ITIH6: variants seen among roughly 807,000 people sequenced by gnomAD.
ITIH6 encodes inter-alpha-trypsin inhibitor heavy chain H6.
A neutral mutation model predicts 58.2 loss-of-function variants in ITIH6; 60 were observed. The ratio of observed to expected loss-of-function variants is 1.03; its 90% CI spans 0.84 to 1.28. ITIH6 has a LOEUF of 1.28. ITIH6 is among the 50% of genes most tolerant of loss of function. The pLI, the probability that ITIH6 is intolerant of heterozygous loss-of-function variation, is 0.00. For missense variants in ITIH6, 1,290 were observed against 1,021.1 expected (o/e 1.26, Z -3.59); for synonymous variants, 493 against 417.4 (o/e 1.18, Z -2.21).
chrX:54,785,539 C>G (rs1229112871), intron 5 of ITIH6, among the ~76,000 whole-genome samples: 1 of 110,864 alleles, frequency 9.0e-6, no homozygotes, highest in Non-Finnish European at 1.9e-5. Flanking sequence ...AAAACAAACC[C>G]AATGTCTGTA....
At position 54,774,202 on chromosome X, in the gene ITIH6, ACC is replaced by A; in HGVS notation, c.787-7_787-6del. The A allele has an allele frequency of 1.3e-6, 1 of 781,457 alleles. No individual in the cohort carries two copies. Among genetic ancestry groups the A allele is most frequent in the African/African-American group, 2.7e-5 (1 of 37,236 alleles). 64.4% of individuals were successfully genotyped at this position (781,457 alleles called of 1,213,427 possible). A position where few individuals can be genotyped will look rare whatever the true frequency, so the allele number is the denominator to read the frequency against. On this transcript the variant is annotated splice_region_variant and splice_polypyrimidine_tract_variant and intron_variant, in intron 5 of 12. Transcript: ENST00000218436. Reference sequence around the variant, plus strand: ...AATGAAATAGTCATCGTAAATCTGGACCAAAAAAAAAAAAAAAAAAGTAGAAC... The same window carrying A: ...AATGAAATAGTCATCGTAAATCTGGAAAAAAAAAAAAAAAAAAAGTAGAAC...
rs1454143344 is a variant in ITIH6, at chrX:54,758,104, A to G, written c.1970T>C (p.Ile657Thr). ...TAQPALVPKVISPKSRPVKPK... is the reference protein window; with the variant it reads ...TAQPALVPKVTSPKSRPVKPK... The stretch of plus-strand genomic sequence containing the variant: ...TTTCACAGGCCTTGATTTGGGGGAG[A>G]TGACCTTGGGCACCAAGGCTGGCTG... The change falls in exon 8 of 13, where the codon ATC becomes ACC. Residue 657 changes from isoleucine (I) to threonine (T), a missense_variant. By Grantham distance (89) the Ile-to-Thr change is moderately conservative (BLOSUM62 -1). Transcript: ENST00000218436. 1 of 1,211,315 alleles carries G rather than the reference A, an allele frequency of 8.3e-7. No individual in the cohort carries two copies. Among genetic ancestry groups the G allele is most frequent in the Non-Finnish European group, 1.1e-6 (1 of 895,388 alleles).
At chrX:54,770,208 G>A (rs1400498164) in intron 6 of ITIH6, among the ~76,000 whole-genome samples, 1 of 112,838 alleles carries the variant, frequency 8.9e-6, no homozygotes, top group African/African-American at 3.2e-5. Context: ...GCGCTTCCCA[G>A]GTGAGGCAAT....
intron 6 of ITIH6, among the ~76,000 whole-genome samples, chrX:54,764,288 T>A (rs1928718343): frequency 9.1e-6 from 1 of 110,026 alleles, no homozygotes; most frequent in African/African-American, 3.3e-5. Flanking sequence ...CTTTAAGTTT[T>A]AGGGTACATG....
Position 54,757,823 on chromosome X carries a change from T to C in ITIH6, c.2251A>G (p.Ile751Val). The C allele has an allele frequency of 8.3e-7, 1 of 1,211,249 alleles. No homozygotes were observed. Among genetic ancestry groups the C allele is most frequent in the Non-Finnish European group, 1.1e-6 (1 of 895,130 alleles). The change falls in exon 8 of 13, where the codon ATA (isoleucine) becomes GTA (valine). Residue 751 changes from isoleucine to valine, a missense_variant. By Grantham distance (29) the Ile-to-Val change is conservative (BLOSUM62 3). Coordinates refer to ENST00000218436, the MANE Select transcript of ITIH6 (RefSeq NM_198510.3). The part of the protein sequence containing the change: ...PGSLSHQNPD[I>V]LPTNSRTQVP... ...TGTGTCCTGGAGTTCGTGGGTAATA[T>C]ATCAGGATTCTGGTGTGATAGAGAG...
At chrX:54,767,385 T>A (rs1376074465) in intron 6 of ITIH6, among the ~76,000 whole-genome samples, 3 of 107,496 alleles carry the variant, frequency 2.8e-5, no homozygotes, top group African/African-American at 1.1e-4. Flanking sequence ...TGTGTCTCTA[T>A]TTCCTTCAGT....
chrX:54,797,025 G>C lies in ITIH6; in HGVS notation c.174C>G (p.Val58=). Reference sequence around the variant, plus strand: ...GGGCTTCAGCATGTGGATTAAACAGGACAGAGGTGACCAAGGTGTGGGCAT... The same window carrying C: ...GGGCTTCAGCATGTGGATTAAACAGCACAGAGGTGACCAAGGTGTGGGCAT... ...SRYAHTLVTS[V]LFNPHAEAHE... Residue 58 remains valine, a synonymous_variant, in exon 2 of 13, where the codon GTC becomes GTG. Transcript: ENST00000218436. The C allele has an allele frequency of 8.3e-7, 1 of 1,209,950 alleles. No individual in the cohort carries two copies. The highest frequency in any genetic ancestry group is 1.1e-6 in the Non-Finnish European group (1 of 893,852).
rs1179173951 is a variant in ITIH6, at chrX:54,758,990, C to A, written c.1084G>T (p.Val362Phe). ...HCMEADGWTD[V>F]NSALLAAASV... ...GCAGCTGCCAGCAGAGCTGAGTTGA[C>A]GTCTGTCCCTAATTGGGGAATAGAT... The change falls in exon 8 of 13, where the codon GTC becomes TTC. Residue 362 changes from valine to phenylalanine, a missense_variant. By Grantham distance (50) the Val-to-Phe change is conservative. Transcript: ENST00000218436. 13 of 1,155,057 alleles carry A rather than the reference C, an allele frequency of 1.1e-5. No individual in the cohort carries two copies. Among genetic ancestry groups the A allele is most frequent in the Non-Finnish European group, 1.4e-5 (12 of 863,686 alleles).
chrX:54,784,250 C>T (rs1929202272), intron 5 of ITIH6, among the ~76,000 whole-genome samples: 1 of 111,630 alleles, frequency 9.0e-6, no homozygotes, highest in Non-Finnish European at 1.9e-5. Context: ...ACAAGAAAAC[C>T]TTGGGAAAAT....
chrX:54,788,650 C>T lies in ITIH6; in HGVS notation c.617-1G>A. The T allele has an allele frequency of 1.7e-6, 2 of 1,204,962 alleles. No individual in the cohort carries two copies. The highest frequency in any genetic ancestry group is 3.5e-5 in the African/African-American group (2 of 57,705). On this transcript the variant is annotated splice_acceptor_variant, in intron 4 of 12. Transcript: ENST00000218436. LOFTEE classifies it high-confidence loss of function. ...GTGGATGGGGGTGAATCCACCTCAC[C>T]TGTATGGGTGGGGAGGATCGGGGCG... is the stretch of plus-strand genomic sequence containing the variant.
intron 6 of ITIH6, among the ~76,000 whole-genome samples, chrX:54,765,872 C>T (rs981693217): frequency 3.6e-5 from 4 of 110,248 alleles, no homozygotes; most frequent in African/African-American, 6.6e-5. Flanking sequence ...CTTGGCAATG[C>T]GGGCTCTTTT....
In ITIH6 at chrX:54,788,046, T is replaced by C. The variant is rs373520421; in HGVS notation, c.786+434A>G. 5.4e-3 allele frequency among the ~76,000 whole-genome samples: 595 copies of C among 110,253 alleles called. 7 individuals are homozygous for C. Among genetic ancestry groups the C allele is most frequent in the African/African-American group, 0.019 (556 of 29,354 alleles). ...GTGGAAACTCAGAACTGAAGGACTC[T>C]CTGTTTAGGCAGATGGCTCCACTGA... On this transcript the variant is annotated intron_variant, in intron 5 of 12. Transcript: ENST00000218436.
intron 5 of ITIH6, among the ~76,000 whole-genome samples, chrX:54,780,464 C>T (rs1929128280): frequency 8.9e-6 from 1 of 111,792 alleles, no homozygotes; most frequent in African/African-American, 3.2e-5. Context: ...AAAAATTTCT[C>T]AAAACAGATG....
rs776982273 is a variant in ITIH6, at chrX:54,757,705, G to A, written c.2369C>T (p.Ser790Leu). ...TGTGAGTGCCCCAAGTTGGGGGTGC[G>A]ATGGAGCACCAGGTTTGGAATGCAG... The part of the protein sequence containing the change: ...TPLHSKPGAP[S>L]HPQLGALTSQ... Residue 790 changes from serine to leucine, a missense_variant, in exon 8 of 13, where the codon TCG becomes TTG. By Grantham distance (145) the Ser-to-Leu change is moderately radical. Coordinates refer to ENST00000218436, the MANE Select transcript of ITIH6 (RefSeq NM_198510.3). 3.3e-5 allele frequency: 40 copies of A among 1,208,677 alleles called. No individual in the cohort carries two copies. The Admixed American group carries it at 8.3e-4, about 25-fold the overall frequency.
intron 5 of ITIH6, among the ~76,000 whole-genome samples, chrX:54,780,057 G>T (rs1481465486): frequency 9.0e-6 from 1 of 111,287 alleles, no homozygotes; most frequent in Non-Finnish European, 1.9e-5. Context: ...GGGAGAGATA[G>T]ACTCCAACAT....
At chrX:54,751,935 T>C (rs1206638378) in intron 11 of ITIH6, among the ~76,000 whole-genome samples, 1 of 111,545 alleles carries the variant, frequency 9.0e-6, no homozygotes, top group Non-Finnish European at 1.9e-5. Context: ...TAGCAGAGTA[T>C]GTTTGCTGCC....
chrX:54,773,655 T>G (rs1332460466), intron 6 of ITIH6, among the ~76,000 whole-genome samples: 1 of 109,449 alleles, frequency 9.1e-6, no homozygotes, highest in Non-Finnish European at 1.9e-5. Flanking sequence ...GGTTTCTAAT[T>G]CTATAATGCT....
At chrX:54,752,343 T>C (rs1928381931) in intron 11 of ITIH6, among the ~76,000 whole-genome samples, 4 of 111,718 alleles carry the variant, frequency 3.6e-5, no homozygotes, top group Admixed American at 2.8e-4. Context: ...GGAAGAACAA[T>C]TTATGGTGAA....
At chrX:54,796,683 C>CAA (rs11368671) in intron 2 of ITIH6, among the ~76,000 whole-genome samples, 1,446 of 78,326 alleles carry the variant, frequency 0.018, 35 homozygotes, top group African/African-American at 0.053. Flanking sequence ...GACTCCATGT[C>CAA]AAAAAAAAAA....
Sources: gnomAD v4.1 joint callset for allele counts (sites outside exome capture counted in the v4.1 genomes callset) on GRCh38, gnomAD v4.1.1 for gene constraint, MANE v1.5 for transcripts, NCBI Gene and HGNC (gene_info 2026-07-23, HGNC 2026-07-21) for gene names.